The following SSBP2 variants were observed in gnomAD, a reference collection of about 807,000 sequenced individuals.
The protein encoded by SSBP2 is single stranded DNA binding protein 2.
A neutral mutation model predicts 61.8 loss-of-function variants in SSBP2; 17 were observed. The ratio of observed to expected loss-of-function variants is 0.28; its 90% CI spans 0.19 to 0.41. The LOEUF (loss-of-function observed/expected upper bound fraction) is 0.41. Among genes scored for constraint, SSBP2 ranks in the 10% least tolerant of loss-of-function variants. The pLI, the probability that SSBP2 is intolerant of heterozygous loss-of-function variation, is 1.00. For synonymous variants in SSBP2, 139 were observed against 141.3 expected (o/e 0.98, Z 0.12); for missense variants, 310 against 458.7 (o/e 0.68, Z 2.96).
intron 5 of SSBP2, among the ~76,000 whole-genome samples, chr5:81,498,473 A>G (rs1767455552): frequency 6.6e-6 from 1 of 152,080 alleles, no homozygotes; most frequent in African/African-American, 2.4e-5. Flanking sequence ...CCATGACATA[A>G]AAACTATTCT....
At chr5:81,535,648 G>A (rs1770748334) in intron 4 of SSBP2, among the ~76,000 whole-genome samples, 1 of 152,006 alleles carries the variant, frequency 6.6e-6, no homozygotes. Flanking sequence ...AAAGGTACTA[G>A]AATGGAGAAA....
At chr5:81,673,455 T>C (rs1665938311) in intron 1 of SSBP2, among the ~76,000 whole-genome samples, 1 of 152,106 alleles carries the variant, frequency 6.6e-6, no homozygotes. Context: ...TCAAAAAAAC[T>C]TGTAAAGGAT....
rs1056389454 is a variant in SSBP2 at position 81,631,259 on chromosome 5, C to A, written c.197+5298G>T. On this transcript the variant is annotated intron_variant, in intron 3 of 16. Coordinates refer to ENST00000320672, the MANE Select transcript of SSBP2 (RefSeq NM_012446.5). The stretch of plus-strand genomic sequence containing the variant: ...ACATATGTGAGACAAACAGGGGAAA[C>A]CCACAACCACAACTGACCAAGTGCG... Among the ~76,000 whole-genome samples the A allele has an allele frequency of 2.6e-5, 4 of 152,206 alleles. No homozygotes were observed. The South Asian group carries it at 8.3e-4, about 32-fold the overall frequency.
At chr5:81,654,827 C>T (rs1750065254) in intron 1 of SSBP2, among the ~76,000 whole-genome samples, 1 of 152,120 alleles carries the variant, frequency 6.6e-6, no homozygotes, top group East Asian at 1.9e-4. Flanking sequence ...CGTGAGATCA[C>T]CAAACAGAAG....
At chr5:81,626,468 C>T (rs530745547) in intron 3 of SSBP2, among the ~76,000 whole-genome samples, 125 of 152,268 alleles carry the variant, frequency 8.2e-4, no homozygotes, top group African/African-American at 2.8e-3. Context: ...TTAATTATTA[C>T]GTTATTTTGT....
At chr5:81,545,219 A>C (rs1771638156) in intron 4 of SSBP2, among the ~76,000 whole-genome samples, 1 of 152,188 alleles carries the variant, frequency 6.6e-6, no homozygotes, top group Non-Finnish European at 1.5e-5. Flanking sequence ...AATATTTAGG[A>C]TATACTTAAA....
chr5:81,460,986 A>G, intron 10 of SSBP2, 69 bp downstream of exon 10: 2 of 1,001,000 alleles, frequency 2.0e-6, no homozygotes, highest in Non-Finnish European at 2.7e-6. Context: ...CAAAAGCAAA[A>G]TGTTTTTGTG....
At chr5:81,691,938 A>G (rs1753233538) in intron 1 of SSBP2, among the ~76,000 whole-genome samples, 1 of 152,080 alleles carries the variant, frequency 6.6e-6, no homozygotes, top group African/African-American at 2.4e-5. Flanking sequence ...CCTTTCCTCT[A>G]AAATCTGGAA....
chr5:81,704,235 T>C (rs1262647058), intron 1 of SSBP2, among the ~76,000 whole-genome samples: 2 of 152,196 alleles, frequency 1.3e-5, no homozygotes, highest in African/African-American at 4.8e-5. Flanking sequence ...TGGCAGGCTT[T>C]CACTATCTCT....
chr5:81,460,692 T>C (rs901102294), intron 10 of SSBP2, among the ~76,000 whole-genome samples: 3 of 152,172 alleles, frequency 2.0e-5, no homozygotes, highest in Non-Finnish European at 2.9e-5. Flanking sequence ...AACAGGTTGA[T>C]TGTATTTGGC....
Position 81,437,359 on chromosome 5 carries a change from CT to C in SSBP2, c.957+70del. Reference sequence around the variant, plus strand: ...CAAGAACAAAATTCGTAAATTTACTCTAATAATTTTAATGAGTTCCATGTTA... The same window carrying C: ...CAAGAACAAAATTCGTAAATTTACTCAATAATTTTAATGAGTTCCATGTTA... On this transcript the variant is annotated intron_variant, in intron 15 of 16. Coordinates refer to ENST00000320672, the MANE Select transcript of SSBP2 (RefSeq NM_012446.5). The C allele has an allele frequency of 4.9e-6, 7 of 1,425,670 alleles. No homozygotes were observed. The South Asian group carries it at 9.0e-5, about 18-fold the overall frequency. 88.3% of individuals were successfully genotyped at this position (1,425,670 alleles called of 1,614,324 possible).
At chr5:81,627,877 C>T (rs1747324839) in intron 3 of SSBP2, among the ~76,000 whole-genome samples, 1 of 151,896 alleles carries the variant, frequency 6.6e-6, no homozygotes, top group African/African-American at 2.4e-5. Flanking sequence ...GCCTGAGCAA[C>T]AACAGCAAAA....
chr5:81,521,328 C>A (rs928223746), intron 4 of SSBP2, among the ~76,000 whole-genome samples: 1 of 151,862 alleles, frequency 6.6e-6, no homozygotes, highest in Non-Finnish European at 1.5e-5. Flanking sequence ...TAATTTTTGA[C>A]CTTAACCTTC....
chr5:81,648,394 T>C (rs903082009), intron 2 of SSBP2, among the ~76,000 whole-genome samples: 2 of 152,190 alleles, frequency 1.3e-5, no homozygotes, highest in African/African-American at 4.8e-5. Context: ...AGTTCTTACA[T>C]GTTCTGGCTA....
chr5:81,657,679 A>G (rs1750340436), intron 1 of SSBP2, among the ~76,000 whole-genome samples: 1 of 152,154 alleles, frequency 6.6e-6, no homozygotes, highest in African/African-American at 2.4e-5. Flanking sequence ...CTAATCAACA[A>G]TCATAATGGT....
chr5:81,703,339 G>A (rs920852176), intron 1 of SSBP2, among the ~76,000 whole-genome samples: 5 of 152,140 alleles, frequency 3.3e-5, no homozygotes, highest in African/African-American at 7.2e-5. Flanking sequence ...AACCCAGGAA[G>A]ATCTCCAGAG....
intron 1 of SSBP2, among the ~76,000 whole-genome samples, chr5:81,698,780 C>A (rs895876522): frequency 6.6e-6 from 1 of 152,146 alleles, no homozygotes; most frequent in Non-Finnish European, 1.5e-5. Context: ...TGTACTCCAG[C>A]CTAGGTGACA....
intron 1 of SSBP2, among the ~76,000 whole-genome samples, chr5:81,678,360 GA>G (rs34958145): frequency 0.47 from 70,892 of 151,882 alleles, 18,482 homozygotes; most frequent in African/African-American, 0.69. Context: ...AGTCCCAACT[GA>G]AAAGCAGAAG....
chr5:81,534,992 G>A (rs1043183014), intron 4 of SSBP2, among the ~76,000 whole-genome samples: 1 of 151,560 alleles, frequency 6.6e-6, no homozygotes, highest in African/African-American at 2.4e-5. Flanking sequence ...CCTTACTGAT[G>A]GAGAAACTAA....
Sources: allele counts gnomAD v4.1 joint callset (sites outside exome capture counted in the v4.1 genomes callset), GRCh38; gene constraint gnomAD v4.1.1; transcripts MANE v1.5; gene names NCBI Gene and HGNC (gene_info 2026-07-23, HGNC 2026-07-21).